The following NELL1 variants were observed in gnomAD, a reference collection of about 807,000 sequenced individuals.
NELL1 encodes protein kinase C-binding protein NELL1.
A neutral mutation model predicts 107.4 loss-of-function variants in NELL1; 76 were observed. The ratio of observed to expected loss-of-function variants is 0.71; its 90% CI spans 0.59 to 0.86. NELL1 has a LOEUF of 0.86. Ranked by LOEUF, NELL1 falls within the 40% of genes least tolerant of loss-of-function variation. NELL1 has a pLI of 0.00. For missense variants in NELL1, 1,024 were observed against 1,005.5 expected (o/e 1.02, Z -0.25); for synonymous variants, 353 against 341.2 (o/e 1.03, Z -0.38).
At chr11:20,804,261 A>G (rs1242145734) in intron 3 of NELL1, among the ~76,000 whole-genome samples, 1 of 152,006 alleles carries the variant, frequency 6.6e-6, no homozygotes, top group East Asian at 1.9e-4. Context: ...TTTGAGATGG[A>G]GTCTTGCTCT....
At chr11:20,676,251 A>C (rs1854053351) in intron 1 of NELL1, among the ~76,000 whole-genome samples, 1 of 135,838 alleles carries the variant, frequency 7.4e-6, no homozygotes, top group Non-Finnish European at 1.6e-5. Flanking sequence ...CTAAAGTAGG[A>C]CCCCCCCATC....
At chr11:21,532,375 T>C (rs1856012236) in intron 15 of NELL1, among the ~76,000 whole-genome samples, 1 of 152,236 alleles carries the variant, frequency 6.6e-6, no homozygotes, top group African/African-American at 2.4e-5. Context: ...TTGCACATCA[T>C]TCAACACTTC....
intron 3 of NELL1, among the ~76,000 whole-genome samples, chr11:20,841,702 G>A (rs1337246414): frequency 2.0e-5 from 3 of 152,176 alleles, no homozygotes; most frequent in Non-Finnish European, 4.4e-5. Flanking sequence ...ATAGATGGCA[G>A]TGAAGTTGCT....
At chr11:21,143,829 A>G (rs573970242) in intron 13 of NELL1, among the ~76,000 whole-genome samples, 36 of 152,310 alleles carry the variant, frequency 2.4e-4, no homozygotes, top group Middle Eastern at 3.4e-3. Flanking sequence ...ATACCCATCA[A>G]TGTTTCAACT....
chr11:20,899,523 A>G (rs1564957172), intron 5 of NELL1, among the ~76,000 whole-genome samples: 2 of 152,182 alleles, frequency 1.3e-5, no homozygotes, highest in Non-Finnish European at 2.9e-5. Context: ...TGGAAAAGGT[A>G]GATATTTAAT....
intron 14 of NELL1, among the ~76,000 whole-genome samples, chr11:21,277,308 T>G (rs1848887592): frequency 6.6e-6 from 1 of 152,086 alleles, no homozygotes; most frequent in Non-Finnish European, 1.5e-5. Flanking sequence ...ATGCTCATCA[T>G]CACTGGCCAT....
At chr11:21,293,633 T>A (rs1263552783) in intron 14 of NELL1, among the ~76,000 whole-genome samples, 1 of 152,174 alleles carries the variant, frequency 6.6e-6, no homozygotes, top group Non-Finnish European at 1.5e-5. Flanking sequence ...CATGCACATG[T>A]GTGTTTATTG....
intron 12 of NELL1, among the ~76,000 whole-genome samples, chr11:20,976,760 T>G (rs936001931): frequency 1.3e-5 from 2 of 152,140 alleles, no homozygotes; most frequent in Non-Finnish European, 2.9e-5. Flanking sequence ...TTAATGGCTT[T>G]TACTACATAA....
At chr11:21,470,512 C>T (rs1233805275) in intron 15 of NELL1, among the ~76,000 whole-genome samples, 1 of 152,090 alleles carries the variant, frequency 6.6e-6, no homozygotes, top group Non-Finnish European at 1.5e-5. Context: ...GCAAACTTAG[C>T]TCCAACATTA....
chr11:20,834,391 TG>T (rs1163133004), intron 3 of NELL1, among the ~76,000 whole-genome samples: 2 of 152,132 alleles, frequency 1.3e-5, no homozygotes, highest in African/African-American at 4.8e-5. Flanking sequence ...GTATTGAGTT[TG>T]GGGTATTCCG....
At chr11:21,320,419 A>T (rs1335821386) in intron 14 of NELL1, among the ~76,000 whole-genome samples, 1 of 152,200 alleles carries the variant, frequency 6.6e-6, no homozygotes, top group Non-Finnish European at 1.5e-5. Context: ...AGAGGCACTA[A>T]CAGCTGCACT....
chr11:21,526,720 C>A (rs188194640), intron 15 of NELL1, among the ~76,000 whole-genome samples: 2 of 152,300 alleles, frequency 1.3e-5, no homozygotes, highest in East Asian at 3.9e-4. Flanking sequence ...GAGCTTGCCC[C>A]CTCTGAAACC....
chr11:21,518,496 A>G (rs2133952722), intron 15 of NELL1, among the ~76,000 whole-genome samples: 1 of 152,360 alleles, frequency 6.6e-6, no homozygotes, highest in Admixed American at 6.5e-5. Context: ...CTGTCTTTAA[A>G]GGGATAGGTT....
chr11:21,299,987 C>T (rs573204498), intron 14 of NELL1, among the ~76,000 whole-genome samples: 32 of 152,060 alleles, frequency 2.1e-4, no homozygotes, highest in South Asian at 2.1e-3. Flanking sequence ...ACAGAAACCC[C>T]GACCTCTTGT....
chr11:21,502,702 G>A (rs1855172450), intron 15 of NELL1, among the ~76,000 whole-genome samples: 1 of 152,164 alleles, frequency 6.6e-6, no homozygotes, highest in South Asian at 2.1e-4. Context: ...GCAAGTAGAT[G>A]TATCACAGTG....
intron 13 of NELL1, among the ~76,000 whole-genome samples, chr11:21,205,411 G>C (rs973238406): frequency 7.9e-5 from 12 of 152,202 alleles, no homozygotes; most frequent in African/African-American, 2.7e-4. Context: ...TGTTTACACC[G>C]TGAGGGTAAA....
At chr11:20,711,177 C>G in intron 2 of NELL1, among the ~76,000 whole-genome samples, 1 of 152,066 alleles carries the variant, frequency 6.6e-6, no homozygotes, top group South Asian at 2.1e-4. Flanking sequence ...ATGAACTTTC[C>G]TCCTAGAACC....
At chr11:21,067,934 G>A (rs1056382418) in intron 12 of NELL1, among the ~76,000 whole-genome samples, 3 of 147,530 alleles carry the variant, frequency 2.0e-5, no homozygotes, top group Admixed American at 7.0e-5. Flanking sequence ...CTGGGAGGTC[G>A]AGGCGGGAAA....
At chr11:21,046,337 C>T (rs1351722774) in intron 12 of NELL1, among the ~76,000 whole-genome samples, 2 of 152,108 alleles carry the variant, frequency 1.3e-5, no homozygotes, top group South Asian at 2.1e-4. Context: ...GTTCTTACTA[C>T]CATTATTTGG....
Sources: allele counts gnomAD v4.1 joint callset (sites outside exome capture counted in the v4.1 genomes callset), GRCh38; gene constraint gnomAD v4.1.1; transcripts MANE v1.5; gene names NCBI Gene and HGNC (gene_info 2026-07-23, HGNC 2026-07-21).